The following ZFYVE26 variants were observed in gnomAD, a reference collection of about 807,000 sequenced individuals.
ZFYVE26 encodes the protein zinc finger FYVE domain-containing protein 26.
Under a neutral mutation model 276.5 loss-of-function variants are expected in ZFYVE26, and 181 were observed. That is an observed-to-expected ratio of 0.65 (90% CI 0.58 to 0.74). ZFYVE26 has a LOEUF of 0.74. ZFYVE26 is among the 30% of genes least tolerant of loss of function. ZFYVE26 has a pLI of 0.00. For synonymous variants in ZFYVE26, 1,129 were observed against 1,203.1 expected (o/e 0.94, Z 1.27); for missense variants, 2,821 against 3,097.9 (o/e 0.91, Z 2.12).
downstream of ZFYVE26, among the ~76,000 whole-genome samples, chr14:67,745,273 T>C (rs913699217): frequency 4.6e-5 from 7 of 152,204 alleles, no homozygotes; most frequent in Non-Finnish European, 8.8e-5. Flanking sequence ...TTCTTGTAAA[T>C]TTATTTAAGT....
chr14:67,798,655 G>A (rs1237464278), intron 10 of ZFYVE26, 33 bp from the exon 11 acceptor site: 1 of 1,612,970 alleles, frequency 6.2e-7, no homozygotes, highest in Non-Finnish European at 8.5e-7. Flanking sequence ...AGAGGCCAGA[G>A]AAAGAGAAGA....
intron 14 of ZFYVE26, among the ~76,000 whole-genome samples, chr14:67,793,096 C>A (rs542398267): frequency 6.6e-6 from 1 of 151,592 alleles, no homozygotes; most frequent in Non-Finnish European, 1.5e-5. Context: ...CCTGTCTCTA[C>A]TAAAAATACA....
At chr14:67,745,511 T>C (rs987091468), downstream of ZFYVE26, among the ~76,000 whole-genome samples, 3 of 151,804 alleles carry the variant, frequency 2.0e-5, no homozygotes, top group African/African-American at 7.3e-5. Context: ...GATGAGATCA[T>C]GTTTCCGGGG....
chr14:67,771,260 G>C (rs1383101701), intron 28 of ZFYVE26, among the ~76,000 whole-genome samples: 7 of 152,126 alleles, frequency 4.6e-5, no homozygotes. Flanking sequence ...AGTTTGCTTT[G>C]GATAATGACC....
At position 67,766,233 on chromosome 14, in the gene ZFYVE26, C is replaced by G. The variant is rs764172287; in HGVS notation, c.6005G>C (p.Cys2002Ser). 2.5e-6 allele frequency: 4 copies of G among 1,613,958 alleles called. No homozygotes were observed. The highest frequency in any genetic ancestry group is 1.3e-5 in the African/African-American group (1 of 74,944). Reference protein sequence around the residue: ...KAGQSQDLALCDSYISKVDVL... With the variant: ...KAGQSQDLALSDSYISKVDVL... ...GAGACCCACTGCCCTCTACCTGTCA[C>G]AAAGAGCCAAGTCTTGGCTCTGGCC... is the stretch of plus-strand genomic sequence containing the variant. Residue 2002 changes from cysteine to serine, a missense_variant, in exon 32 of 42, where the codon TGT becomes TCT. Physicochemically the swap from Cys to Ser is moderately radical, Grantham distance 112. Transcript: ENST00000347230.
In ZFYVE26 at chr14:67,762,426, T is replaced by C; in HGVS notation, c.6160-14A>G. On this transcript the variant is annotated splice_polypyrimidine_tract_variant and intron_variant, in intron 33 of 41. Transcript: ENST00000347230. ...CTTTGTGGAGACCTGGGAGAAAAAT[T>C]GCCCCTTTTAGTGAGTGGTAGCTAC... 1 of 1,610,968 alleles carries C rather than the reference T, an allele frequency of 6.2e-7. No homozygotes were observed. Among genetic ancestry groups the C allele is most frequent in the Non-Finnish European group, 8.5e-7 (1 of 1,178,434 alleles).
chr14:67,740,063 A>G (rs2038397903), intron 13 of ZFYVE26, among the ~76,000 whole-genome samples: 2 of 152,200 alleles, frequency 1.3e-5, no homozygotes, highest in Admixed American at 1.3e-4. Flanking sequence ...AGTGTTCTCT[A>G]TTGGATCCCC....
Position 67,789,569 on chromosome 14 carries a change from TC to T in ZFYVE26, c.2784del (p.Thr929LeufsTer21), listed in dbSNP as rs751170626. 1 of 1,614,154 alleles carries T rather than the reference TC, an allele frequency of 6.2e-7. No individual in the cohort carries two copies. The highest frequency in any genetic ancestry group is 8.5e-7 in the Non-Finnish European group (1 of 1,180,030). ...AGMVFYSISD[V>X]TDKLLNTSGD... ...CCAGAGGTGTTGAGCAGCTTGTCAG[TC>T]ACGTCAGAGATAGAGTAAAACACCA... On this transcript the variant is annotated frameshift_variant, in exon 16 of 42. Transcript: ENST00000347230. LOFTEE classifies it high-confidence loss of function.
At chr14:67,733,920 C>T in intron 13 of ZFYVE26, 2 of 1,143,158 alleles carry the variant, frequency 1.7e-6, no homozygotes, top group Non-Finnish European at 2.6e-6. Context: ...AGAAGGCCAA[C>T]CCTAAAGGAT....
At chr14:67,761,281 G>T (rs770440552) in intron 35 of ZFYVE26, 85 bp downstream of exon 35, 1 of 1,256,498 alleles carries the variant, frequency 8.0e-7, no homozygotes, top group Non-Finnish European at 1.1e-6. Context: ...AAGTGTCAGG[G>T]GGTTATTGTC....
chr14:67,737,049 A>G (rs1005438463), intron 13 of ZFYVE26, among the ~76,000 whole-genome samples: 14 of 150,208 alleles, frequency 9.3e-5, no homozygotes, highest in African/African-American at 3.4e-4. Flanking sequence ...GTACATTTCC[A>G]GCATCTGGGA....
At chr14:67,795,323 G>A (rs940821610) in intron 12 of ZFYVE26, among the ~76,000 whole-genome samples, 4 of 152,150 alleles carry the variant, frequency 2.6e-5, no homozygotes, top group Non-Finnish European at 5.9e-5. Flanking sequence ...GGCATCCTCC[G>A]CCCCACCCAG....
At position 67,804,941 on chromosome 14, in the gene ZFYVE26, C is replaced by T. The variant is rs369900552; in HGVS notation, c.1271+276G>A. On this transcript the variant is annotated intron_variant, in intron 8 of 41. Coordinates refer to ENST00000347230, the MANE Select transcript of ZFYVE26 (RefSeq NM_015346.4). ...TCCATGTAAAGGGCTTAGAACAATG[C>T]CTAGCTTATGGTAAGTGCACTGGAA... Among the ~76,000 whole-genome samples, 22 of 152,276 alleles carry T rather than the reference C, an allele frequency of 1.4e-4. 1 individual carries two copies. Among genetic ancestry groups the T allele is most frequent in the African/African-American group, 5.3e-4 (22 of 41,556 alleles).
At chr14:67,762,454 T>A in intron 33 of ZFYVE26, 42 bp from the exon 34 acceptor site, 1 of 1,589,138 alleles carries the variant, frequency 6.3e-7, no homozygotes, top group Non-Finnish European at 8.6e-7. Flanking sequence ...GTAGCTACAT[T>A]CAGGCCTAAA....
intron 41 of ZFYVE26, among the ~76,000 whole-genome samples, chr14:67,749,528 G>A (rs1384312083): frequency 1.3e-5 from 2 of 152,192 alleles, no homozygotes; most frequent in Non-Finnish European, 2.9e-5. Context: ...GCCTTCATAA[G>A]CTGCCACAGA....
intron 10 of ZFYVE26, 51 bp downstream of exon 10, chr14:67,802,028 C>G: frequency 6.3e-7 from 1 of 1,598,298 alleles, no homozygotes; most frequent in South Asian, 1.1e-5. Flanking sequence ...AAAGCACCCA[C>G]TGGCATGTGT....
chr14:67,731,715 C>G (rs949340286), intron 13 of ZFYVE26, among the ~76,000 whole-genome samples: 1 of 152,016 alleles, frequency 6.6e-6, no homozygotes, highest in Non-Finnish European at 1.5e-5. Context: ...ACATAGAGAA[C>G]AGTCTGGAGG....
intron 14 of ZFYVE26, among the ~76,000 whole-genome samples, chr14:67,792,323 G>A (rs761510043): frequency 1.3e-5 from 2 of 151,618 alleles, no homozygotes; most frequent in Non-Finnish European, 2.9e-5. Flanking sequence ...ATGCCAAGAG[G>A]GTTTTAAAAA....
At chr14:67,740,732 C>A (rs1334495425) in intron 13 of ZFYVE26, among the ~76,000 whole-genome samples, 2 of 151,960 alleles carry the variant, frequency 1.3e-5, no homozygotes, top group Admixed American at 6.6e-5. Flanking sequence ...GATGGTGAAA[C>A]CCCTATCTCT....
Sources: allele counts gnomAD v4.1 joint callset (sites outside exome capture counted in the v4.1 genomes callset), GRCh38; gene constraint gnomAD v4.1.1; transcripts MANE v1.5; gene names NCBI Gene and HGNC (gene_info 2026-07-23, HGNC 2026-07-21).